The following MAP3K2 variants were observed in gnomAD, a reference collection of about 807,000 sequenced individuals.
The protein encoded by MAP3K2 is mitogen-activated protein kinase kinase kinase 2.
A neutral mutation model predicts 80.3 loss-of-function variants in MAP3K2; 24 were observed. That is an observed-to-expected ratio of 0.30 (90% CI 0.22 to 0.42). The LOEUF (loss-of-function observed/expected upper bound fraction) is 0.42, where lower values mean the gene tolerates loss of function less well. MAP3K2 is among the 10% of genes least tolerant of loss of function. MAP3K2 has a pLI of 1.00. For missense variants in MAP3K2, 608 were observed against 750.1 expected (o/e 0.81, Z 2.21); for synonymous variants, 244 against 253.7 (o/e 0.96, Z 0.36).
chr2:127,371,813 A>G (rs1321396483), intron 1 of MAP3K2, among the ~76,000 whole-genome samples: 1 of 152,258 alleles, frequency 6.6e-6, no homozygotes, highest in Non-Finnish European at 1.5e-5. Flanking sequence ...ACCCCCTTCT[A>G]TATGACTGCA....
intron 2 of MAP3K2, among the ~76,000 whole-genome samples, chr2:127,342,388 GGTGTGTGTGTGTGT>G (rs56300936): frequency 6.8e-6 from 1 of 147,862 alleles, no homozygotes; most frequent in Non-Finnish European, 1.5e-5. Flanking sequence ...TCTTCATGAG[GGTGTGTGTGTGTGT>G]GTGTGTGTGT....
At chr2:127,359,252 C>T (rs1686845975) in intron 1 of MAP3K2, among the ~76,000 whole-genome samples, 1 of 152,036 alleles carries the variant, frequency 6.6e-6, no homozygotes, top group Admixed American at 6.5e-5. Context: ...AACAAAGGTA[C>T]GACACTAACG....
chr2:127,323,791 A>G lies in MAP3K2; in HGVS notation c.838+111T>C. The G allele has an allele frequency of 6.2e-6, 3 of 480,716 alleles. No homozygotes were observed. The East Asian group carries it at 1.0e-4, about 16-fold the overall frequency. The allele number at this position is 480,716 out of a possible 1,614,324, so 29.8% of individuals were successfully genotyped here. On this transcript the variant is annotated intron_variant, in intron 11 of 16. Coordinates refer to ENST00000682094, the MANE Select transcript of MAP3K2 (RefSeq NM_001371910.2). ...TACTTTTGTTATAACACAATTCCTC[A>G]TATTTTTCTAATGGTATTAACACAA...
At chr2:127,341,318 A>G (rs1303749499) in intron 2 of MAP3K2, among the ~76,000 whole-genome samples, 2 of 150,688 alleles carry the variant, frequency 1.3e-5, no homozygotes, top group East Asian at 1.9e-4. Flanking sequence ...ATGAGAACGG[A>G]AAAAAAAATA....
Position 127,307,916 on chromosome 2 carries a change from A to G in MAP3K2, c.1635-112T>C, listed in dbSNP as rs1377118595. On this transcript the variant is annotated intron_variant, in intron 16 of 16. Coordinates refer to ENST00000682094, the MANE Select transcript of MAP3K2 (RefSeq NM_001371910.2). This position sits in a 1 kb window ranked among gnomAD's most constrained non-coding sequence, Gnocchi z 5.4. The stretch of plus-strand genomic sequence containing the variant: ...TCCATATATATTTAAATATGACTTA[A>G]TTTCAAGTTCAAAGTTTCATTAAAA... 1.6e-6 allele frequency: 1 copy of G among 638,636 alleles called. No individual in the cohort carries two copies. Among genetic ancestry groups the G allele is most frequent in the Non-Finnish European group, 2.5e-6 (1 of 393,034 alleles). 39.6% of individuals were successfully genotyped at this position (638,636 alleles called of 1,614,324 possible). A position where few individuals can be genotyped will look rare whatever the true frequency, so the allele number is the denominator to read the frequency against.
At chr2:127,377,256 T>A (rs954005886) in intron 1 of MAP3K2, among the ~76,000 whole-genome samples, 1 of 152,172 alleles carries the variant, frequency 6.6e-6, no homozygotes, top group African/African-American at 2.4e-5. Context: ...AAAGTATATG[T>A]AATACAAATA....
At position 127,314,799 on chromosome 2, in the gene MAP3K2, C is replaced by T; in HGVS notation, c.1411G>A (p.Val471Ile). 6.2e-7 allele frequency: 1 copy of T among 1,610,534 alleles called. No homozygotes were observed. The highest frequency in any genetic ancestry group is 8.5e-7 in the Non-Finnish European group (1 of 1,176,850). Reference sequence around the variant, plus strand: ...ATCATATTACTGTGCAAATAATGGACACCCTCCAGAATCTGACGGGTGTAT... The same window carrying T: ...ATCATATTACTGTGCAAATAATGGATACCCTCCAGAATCTGACGGGTGTAT... ...RKYTRQILEG[V>I]HYLHSNMIVH... The change falls in exon 15 of 17, where the codon GTC becomes ATC. Residue 471 changes from valine to isoleucine, a missense_variant. Physicochemically the swap from Val to Ile is conservative, Grantham distance 29. Coordinates refer to ENST00000682094, the MANE Select transcript of MAP3K2 (RefSeq NM_001371910.2).
At chr2:127,327,238 A>C (rs2104828296) in intron 7 of MAP3K2, among the ~76,000 whole-genome samples, 1 of 152,346 alleles carries the variant, frequency 6.6e-6, no homozygotes, top group South Asian at 2.1e-4. Flanking sequence ...TTTTGAAATT[A>C]AACTATGTGA....
intron 12 of MAP3K2, among the ~76,000 whole-genome samples, chr2:127,319,423 C>T (rs1211623345): frequency 6.6e-6 from 1 of 151,790 alleles, no homozygotes; most frequent in South Asian, 2.1e-4. Context: ...TCTGCCTCCC[C>T]TCTCCTAGGC....
chr2:127,328,093 G>A (rs1326233538), intron 7 of MAP3K2, among the ~76,000 whole-genome samples: 5 of 152,168 alleles, frequency 3.3e-5, no homozygotes, highest in African/African-American at 1.2e-4. Context: ...TGGCTAACAG[G>A]CTGAAACCCC....
chr2:127,368,946 T>C (rs1687016750), intron 1 of MAP3K2, among the ~76,000 whole-genome samples: 1 of 151,670 alleles, frequency 6.6e-6, no homozygotes, highest in Admixed American at 6.6e-5. Context: ...TTCTCAAATA[T>C]TTTATTTTTT....
intron 5 of MAP3K2, among the ~76,000 whole-genome samples, chr2:127,333,687 A>G (rs1686307992): frequency 6.6e-6 from 1 of 152,196 alleles, no homozygotes; most frequent in Non-Finnish European, 1.5e-5. Flanking sequence ...CATTCCTGCC[A>G]AGAGGCCACC....
chr2:127,364,078 T>C lies in MAP3K2; in HGVS notation c.-65-20884A>G, dbSNP rs1466161947. Among the ~76,000 whole-genome samples the C allele has an allele frequency of 2.0e-5, 3 of 152,162 alleles. No homozygotes were observed. Among genetic ancestry groups the C allele is most frequent in the African/African-American group, 7.2e-5 (3 of 41,448 alleles). ...TTTGACTCTCCTTACAACCATAACA[T>C]AATATAGCACACATATGTTTCAGTC... On this transcript the variant is annotated intron_variant, in intron 1 of 16. Coordinates refer to ENST00000682094, the MANE Select transcript of MAP3K2 (RefSeq NM_001371910.2). The surrounding 1 kb of genome is among the most constrained non-coding windows in gnomAD (Gnocchi z 4.1).
chr2:127,367,851 A>AT, intron 1 of MAP3K2, among the ~76,000 whole-genome samples: 1 of 152,356 alleles, frequency 6.6e-6, no homozygotes, highest in Non-Finnish European at 1.5e-5. Flanking sequence ...CTTTACAGTA[A>AT]TTAGAAACTC....
At chr2:127,360,672 G>C (rs1686870000) in intron 1 of MAP3K2, among the ~76,000 whole-genome samples, 1 of 152,120 alleles carries the variant, frequency 6.6e-6, no homozygotes, top group African/African-American at 2.4e-5. Context: ...GCCAATTTAT[G>C]AATCACACCA....
Position 127,343,132 on chromosome 2 carries a change from T to G in MAP3K2, c.-3A>C. 6.4e-7 allele frequency: 1 copy of G among 1,554,190 alleles called. No homozygotes were observed. The highest frequency in any genetic ancestry group is 8.7e-7 in the Non-Finnish European group (1 of 1,147,168). ...GCTTTTAGTTTGAACTCACCCATTA[T>G]GGCAAACAGCTCAACAATTTGAAAA... On this transcript the variant is annotated 5_prime_UTR_variant, in exon 2 of 17. Transcript: ENST00000682094.
chr2:127,316,055 A>C (rs1334690107), intron 14 of MAP3K2, among the ~76,000 whole-genome samples: 2 of 152,078 alleles, frequency 1.3e-5, no homozygotes, highest in African/African-American at 4.8e-5. Context: ...AGTCTAGGCA[A>C]CAAAACAAGA....
chr2:127,374,721 C>G (rs770092707), intron 1 of MAP3K2, among the ~76,000 whole-genome samples: 1 of 152,202 alleles, frequency 6.6e-6, no homozygotes, highest in African/African-American at 2.4e-5. Context: ...CCCGATATGT[C>G]ATTAAACATC....
chr2:127,309,421 T>G (rs1685769703), intron 15 of MAP3K2, among the ~76,000 whole-genome samples: 1 of 152,174 alleles, frequency 6.6e-6, no homozygotes. Flanking sequence ...TATAGAGAGT[T>G]CCCATATACC....
Sources: gnomAD v4.1 joint callset for allele counts (sites outside exome capture counted in the v4.1 genomes callset) on GRCh38, gnomAD v4.1.1 for gene constraint, Gnocchi (gnomAD v3.1) non-coding constraint, MANE v1.5 for transcripts, NCBI Gene and HGNC (gene_info 2026-07-23, HGNC 2026-07-21) for gene names.